The following MYLK4 variants were observed in gnomAD, a reference collection of about 807,000 sequenced individuals.
MYLK4 encodes the protein caMLCK like.
Under a neutral mutation model 48.1 loss-of-function variants are expected in MYLK4, and 46 were observed. The ratio of observed to expected loss-of-function variants is 0.96; its 90% CI spans 0.75 to 1.22. The LOEUF is 1.22. Ranked by LOEUF, MYLK4 falls within the 50% of genes most tolerant of loss-of-function variation. The pLI, the probability that MYLK4 is intolerant of heterozygous loss-of-function variation, is 0.00. For missense variants in MYLK4, 451 were observed against 486.1 expected (o/e 0.93, Z 0.68); for synonymous variants, 170 against 180.8 (o/e 0.94, Z 0.48).
At chr6:2,744,883 TCAGAAA>T (rs1275417228) in intron 2 of MYLK4, among the ~76,000 whole-genome samples, 1 of 152,194 alleles carries the variant, frequency 6.6e-6, no homozygotes, top group Non-Finnish European at 1.5e-5. Context: ...TAGGATAAAT[TCAGAAA>T]TGATTTGCTT....
chr6:2,667,429 G>C lies in MYLK4; in HGVS notation c.*496C>G, dbSNP rs1228262565. On this transcript the variant is annotated 3_prime_UTR_variant, in exon 13 of 13. Coordinates refer to ENST00000274643, the MANE Select transcript of MYLK4 (RefSeq NM_001012418.5). ...AGAGTCTGTGAAACTAAGTCTCCAA[G>C]GGTGCATGGGAGTCAGAATTCTTTC... 1.3e-5 allele frequency: 2 copies of C among 152,144 alleles called. No individual in the cohort carries two copies. The highest frequency in any genetic ancestry group is 4.8e-5 in the African/African-American group (2 of 41,426). The allele number at this position is 152,144 out of a possible 1,614,324, so 9.4% of individuals were successfully genotyped here.
At position 2,666,986 on chromosome 6, in the gene MYLK4, T is replaced by A. The variant is rs1391933508; in HGVS notation, c.*939A>T. The A allele has an allele frequency of 6.6e-6, 1 of 152,252 alleles. No individual in the cohort carries two copies. Among genetic ancestry groups the A allele is most frequent in the Non-Finnish European group, 1.5e-5 (1 of 68,054 alleles). The allele number at this position is 152,252 out of a possible 1,614,324, so 9.4% of individuals were successfully genotyped here. A position where few individuals can be genotyped will look rare whatever the true frequency, so the allele number is the denominator to read the frequency against. On this transcript the variant is annotated 3_prime_UTR_variant, in exon 13 of 13. Transcript: ENST00000274643. ...TGTTTGTATGTGTTTACCCAGAAGC[T>A]TGAATGTTATTTCCCAAGTCACTTC...
At chr6:2,704,575 TCTGCATTG>T (rs1762418707) in intron 2 of MYLK4, among the ~76,000 whole-genome samples, 1 of 152,262 alleles carries the variant, frequency 6.6e-6, no homozygotes, top group African/African-American at 2.4e-5. Context: ...TATTCATATT[TCTGCATTG>T]GCCGTAACTT....
chr6:2,739,786 G>A (rs1035426233), intron 2 of MYLK4, among the ~76,000 whole-genome samples: 7 of 152,234 alleles, frequency 4.6e-5, no homozygotes, highest in Admixed American at 3.9e-4. Flanking sequence ...AAGCACATAA[G>A]AGAAATGTAC....
intron 2 of MYLK4, among the ~76,000 whole-genome samples, chr6:2,695,048 A>G (rs1314814253): frequency 6.6e-6 from 1 of 152,250 alleles, no homozygotes; most frequent in East Asian, 1.9e-4. Flanking sequence ...GAGTGAAGAG[A>G]TAAATATTTG....
chr6:2,731,651 C>A (rs893787538), intron 2 of MYLK4, among the ~76,000 whole-genome samples: 1 of 152,164 alleles, frequency 6.6e-6, no homozygotes, highest in African/African-American at 2.4e-5. Context: ...CTGCTGAATT[C>A]TCTCTAAGGT....
At chr6:2,751,322 T>C (rs1292916187), upstream of MYLK4, among the ~76,000 whole-genome samples, 5 of 152,358 alleles carry the variant, frequency 3.3e-5, no homozygotes, top group Admixed American at 2.6e-4. Flanking sequence ...AACTGCAATA[T>C]AGAAGATCTT....
chr6:2,765,848 G>C, the MYLK4 span: 1 of 1,405,520 alleles, frequency 7.1e-7, no homozygotes, highest in Non-Finnish European at 9.3e-7. Context: ...GCGGCTGTCG[G>C]AGAGCTCGGC....
At chr6:2,696,829 A>C (rs1278940387) in intron 2 of MYLK4, among the ~76,000 whole-genome samples, 1 of 152,206 alleles carries the variant, frequency 6.6e-6, no homozygotes, top group Non-Finnish European at 1.5e-5. Flanking sequence ...TGGGAGGCCG[A>C]GGTGGGCAGA....
At chr6:2,704,685 C>T (rs1050972057) in intron 2 of MYLK4, among the ~76,000 whole-genome samples, 5 of 152,280 alleles carry the variant, frequency 3.3e-5, no homozygotes, top group East Asian at 1.9e-4. Flanking sequence ...ATTGTTGCTG[C>T]CACATTTTAC....
chr6:2,744,123 C>T (rs542580153), intron 2 of MYLK4: 54 of 346,726 alleles, frequency 1.6e-4, no homozygotes, highest in African/African-American at 1.4e-3. Context: ...GCAGTGTCAC[C>T]CTTTGCTCTG....
rs1332222618 is a variant in MYLK4 at position 2,679,306 on chromosome 6, C to A, written c.861G>T (p.Trp287Cys). 1 of 1,614,148 alleles carries A rather than the reference C, an allele frequency of 6.2e-7. No individual in the cohort carries two copies. The highest frequency in any genetic ancestry group is 8.5e-7 in the Non-Finnish European group (1 of 1,180,024). ...GCATATAGGCGATGACCCCCACACT[C>A]CACATGTCAGTGGGAAATGAAACAA... Reference protein sequence around the residue: ...YDFVSFPTDMWSVGVIAYMLL... With the variant: ...YDFVSFPTDMCSVGVIAYMLL... Residue 287 changes from tryptophan (W) to cysteine (C), a missense_variant, in exon 9 of 13, where the codon TGG becomes TGT. Physicochemically the swap from Trp to Cys is radical, Grantham distance 215. Transcript: ENST00000274643.
chr6:2,734,148 T>C (rs549362521), intron 2 of MYLK4, among the ~76,000 whole-genome samples: 25 of 152,320 alleles, frequency 1.6e-4, no homozygotes, highest in Non-Finnish European at 2.6e-4. Context: ...CACGTACTCA[T>C]GTCTGCAAAC....
At chr6:2,770,051 A>G in the MYLK4 span, 2 of 1,595,672 alleles carry the variant, frequency 1.3e-6, no homozygotes, top group Non-Finnish European at 1.7e-6. Flanking sequence ...AGGGATAGCC[A>G]ACTTACATAG....
chr6:2,676,648 T>G (rs1201549761), intron 10 of MYLK4, among the ~76,000 whole-genome samples: 1 of 152,212 alleles, frequency 6.6e-6, no homozygotes, highest in Non-Finnish European at 1.5e-5. Flanking sequence ...CTAAGCCAGT[T>G]GCCATCGGCC....
the MYLK4 span, chr6:2,765,938 G>A: frequency 6.9e-7 from 1 of 1,443,464 alleles, no homozygotes; most frequent in Admixed American, 2.4e-5. Flanking sequence ...CGGCGAGACC[G>A]AGAGCCGCGA....
intron 4 of MYLK4, 27 bp downstream of exon 4, chr6:2,688,823 GA>G (rs1561841285): frequency 1.3e-6 from 2 of 1,569,472 alleles, no homozygotes; most frequent in Non-Finnish European, 1.8e-6. Flanking sequence ...CTTTTGTTGA[GA>G]GAATATTAAC....
chr6:2,744,345 A>C (rs933712279), intron 2 of MYLK4, among the ~76,000 whole-genome samples: 3 of 152,258 alleles, frequency 2.0e-5, no homozygotes, highest in Admixed American at 2.0e-4. Context: ...CAGTTCAAGG[A>C]CAATTAGCAC....
chr6:2,730,965 C>A (rs556314854), intron 2 of MYLK4, among the ~76,000 whole-genome samples: 1 of 152,084 alleles, frequency 6.6e-6, no homozygotes, highest in Non-Finnish European at 1.5e-5. Context: ...CCAAAAATAT[C>A]CTGGCAGTTA....
Sources: allele counts gnomAD v4.1 joint callset (sites outside exome capture counted in the v4.1 genomes callset), GRCh38; gene constraint gnomAD v4.1.1; transcripts MANE v1.5; gene names NCBI Gene and HGNC (gene_info 2026-07-23, HGNC 2026-07-21).